Variants in ZNF713 observed in about 807,000 individuals in gnomAD.
ZNF713 encodes zinc finger protein 713.
ZNF713 carries 21 observed loss-of-function variants against 28.7 expected under a neutral mutation model. That is an observed-to-expected ratio of 0.73 (90% CI 0.52 to 1.05). ZNF713 has a LOEUF of 1.05. ZNF713 is among the 50% of genes least tolerant of loss of function. ZNF713 has a pLI of 0.00. For missense variants in ZNF713, 458 were observed against 532.4 expected (o/e 0.86, Z 1.37); for synonymous variants, 167 against 178.0 (o/e 0.94, Z 0.49).
chr7:55,925,364 T>C (rs1435714997), intron 6 of ZNF713, among the ~76,000 whole-genome samples: 1 of 152,198 alleles, frequency 6.6e-6, no homozygotes, highest in Non-Finnish European at 1.5e-5. Flanking sequence ...GGCTTACGCC[T>C]GTAATCTCAA....
chr7:55,919,437 A>G (rs1246697006), intron 4 of ZNF713, among the ~76,000 whole-genome samples: 2 of 139,920 alleles, frequency 1.4e-5, no homozygotes, highest in Admixed American at 1.5e-4. Context: ...AAAGAGATTT[A>G]TGGGTGTGGC....
intron 6 of ZNF713, among the ~76,000 whole-genome samples, chr7:55,932,926 A>T (rs1786269556): frequency 2.1e-5 from 3 of 144,448 alleles, no homozygotes; most frequent in Non-Finnish European, 1.5e-5. Context: ...TACAACCTAA[A>T]TGTGAATTGG....
At chr7:55,891,009 AG>A (rs1217473511) in intron 1 of ZNF713, among the ~76,000 whole-genome samples, 2 of 151,362 alleles carry the variant, frequency 1.3e-5, no homozygotes, top group Non-Finnish European at 2.9e-5. Context: ...AAAAAAAAAA[AG>A]AAAAAAAAAT....
At chr7:55,902,967 T>C (rs1785604304) in intron 1 of ZNF713, among the ~76,000 whole-genome samples, 1 of 126,672 alleles carries the variant, frequency 7.9e-6, no homozygotes, top group East Asian at 2.3e-4. Flanking sequence ...CACTCCAGCC[T>C]GGACAACAAG....
Position 55,891,517 on chromosome 7 carries a change from TAACAAC to T in ZNF713, c.-583+3858_-583+3863del, listed in dbSNP as rs143006638. Among the ~76,000 whole-genome samples, 182 of 150,724 alleles carry T rather than the reference TAACAAC, an allele frequency of 1.2e-3. 3 individuals carry two copies. The highest frequency in any genetic ancestry group is 0.01 in the Middle Eastern group (3 of 294). Reference sequence around the variant, plus strand: ...AAACATGGTGAGACCTGGTCGCTAATAACAACAACAACAACAACAACAACAAAAAGC... The same window carrying T: ...AAACATGGTGAGACCTGGTCGCTAATAACAACAACAACAACAACAAAAAGC... On this transcript the variant is annotated intron_variant, in intron 1 of 6. Coordinates refer to ENST00000429591, the MANE Select transcript of ZNF713 (RefSeq NM_182633.3).
rs566661279 is a variant in ZNF713 at position 55,925,769 on chromosome 7, C to T, written c.307+2070C>T. On this transcript the variant is annotated intron_variant, in intron 6 of 6. Transcript: ENST00000429591. Reference sequence around the variant, plus strand: ...AAGACATTTTGTCAAGAAGCCTGGGCACCTTCCCTGACAATGCTGGGACAT... The same window carrying T: ...AAGACATTTTGTCAAGAAGCCTGGGTACCTTCCCTGACAATGCTGGGACAT... 1.9e-4 allele frequency among the ~76,000 whole-genome samples: 29 copies of T among 152,336 alleles called. No individual in the cohort carries two copies. The South Asian group carries it at 3.1e-3, about 16-fold the overall frequency.
chr7:55,892,555 C>CAAAAAAAAAAAA (rs56338467), intron 1 of ZNF713, among the ~76,000 whole-genome samples: 17 of 74,368 alleles, frequency 2.3e-4, no homozygotes, highest in Admixed American at 5.7e-4. Context: ...AAGCACTGAC[C>CAAAAAAAAAAAA]AAAAAAAAAA....
intron 6 of ZNF713, among the ~76,000 whole-genome samples, chr7:55,927,895 T>TCAAAAAA (rs1786131736): frequency 2.5e-4 from 1 of 3,968 alleles, no homozygotes; most frequent in Admixed American, 2.8e-3. Context: ...AGACTCTGTC[T>TCAAAAAA]CAAAAAAAAA....
chr7:55,938,638 C>T (rs1056835994), intron 6 of ZNF713, among the ~76,000 whole-genome samples: 4 of 151,374 alleles, frequency 2.6e-5, no homozygotes, highest in South Asian at 2.2e-4. Context: ...CCAGCCTTCT[C>T]TAATTAATCA....
In ZNF713 at chr7:55,923,681, C is replaced by G. The variant is rs1325942975; in HGVS notation, c.289C>G (p.Leu97Val). ...EEEWVIERDS[L>V]LDTHPDGENR... ...AGAATGGGTGATAGAAAGAGACAGC[C>G]TGCTGGATACTCATCCAGGTAAGTG... is the stretch of plus-strand genomic sequence containing the variant. Residue 97 changes from leucine (L) to valine (V), a missense_variant, in exon 6 of 7, where the codon CTG (leucine) becomes GTG (valine). By Grantham distance (32) the Leu-to-Val change is conservative. Transcript: ENST00000429591. The G allele has an allele frequency of 6.2e-7, 1 of 1,612,038 alleles. No homozygotes were observed. Among genetic ancestry groups the G allele is most frequent in the Non-Finnish European group, 8.5e-7 (1 of 1,178,996 alleles).
intron 1 of ZNF713, among the ~76,000 whole-genome samples, chr7:55,894,288 C>T (rs10252442): frequency 0.28 from 42,679 of 152,100 alleles, 6,403 homozygotes; most frequent in Middle Eastern, 0.38. Flanking sequence ...TTGAAATGTT[C>T]AGGGTTTGGA....
At chr7:55,919,384 A>G (rs910940529) in intron 4 of ZNF713, among the ~76,000 whole-genome samples, 3 of 151,880 alleles carry the variant, frequency 2.0e-5, no homozygotes, top group African/African-American at 4.8e-5. Flanking sequence ...TGATGTGCCA[A>G]TGCAGTCTCA....
chr7:55,903,271 T>C (rs1785611405), intron 1 of ZNF713, among the ~76,000 whole-genome samples: 1 of 152,134 alleles, frequency 6.6e-6, no homozygotes. Context: ...ATAGAATAGT[T>C]AACCAGATAG....
At chr7:55,895,251 A>C (rs1785452848) in intron 1 of ZNF713, among the ~76,000 whole-genome samples, 1 of 152,126 alleles carries the variant, frequency 6.6e-6, no homozygotes, top group Non-Finnish European at 1.5e-5. Context: ...CATTCATGAG[A>C]TACTGAAGGG....
intron 1 of ZNF713, among the ~76,000 whole-genome samples, chr7:55,893,175 G>A (rs1202974484): frequency 3.9e-5 from 6 of 151,958 alleles, no homozygotes; most frequent in South Asian, 2.1e-4. Context: ...GAGCTACCGC[G>A]CCCGGACTAA....
chr7:55,902,686 C>T (rs1309868064), intron 1 of ZNF713, among the ~76,000 whole-genome samples: 2 of 152,000 alleles, frequency 1.3e-5, no homozygotes, highest in East Asian at 1.9e-4. Context: ...TAAAAAGTGT[C>T]AAGCTCATGA....
chr7:55,918,536 G>C (rs1174504923), intron 4 of ZNF713, among the ~76,000 whole-genome samples: 1 of 152,124 alleles, frequency 6.6e-6, no homozygotes, highest in East Asian at 1.9e-4. Flanking sequence ...TGAGCACTGG[G>C]GATAAGATAG....
intron 1 of ZNF713, among the ~76,000 whole-genome samples, chr7:55,898,019 T>TA (rs1425944186): frequency 6.6e-6 from 1 of 152,194 alleles, no homozygotes; most frequent in African/African-American, 2.4e-5. Flanking sequence ...GGTTGAACTT[T>TA]AAACCCCAAC....
intron 6 of ZNF713, among the ~76,000 whole-genome samples, chr7:55,932,541 A>T (rs1325247742): frequency 2.0e-5 from 3 of 151,376 alleles, no homozygotes; most frequent in Admixed American, 2.0e-4. Flanking sequence ...AAAAAAAAAA[A>T]AATCTAATAT....
Sources: gnomAD v4.1 joint callset for allele counts (sites outside exome capture counted in the v4.1 genomes callset) on GRCh38, gnomAD v4.1.1 for gene constraint, MANE v1.5 for transcripts, NCBI Gene and HGNC (gene_info 2026-07-23, HGNC 2026-07-21) for gene names.